The following C8orf89 variants were observed in gnomAD, a reference collection of about 807,000 sequenced individuals.
C8orf89 encodes the protein putative uncharacterized protein C8orf89.
In C8orf89, 14 loss-of-function variants were observed where a neutral mutation model predicts 15.8. The ratio of observed to expected loss-of-function variants is 0.89; its 90% CI spans 0.59 to 1.39. The LOEUF (loss-of-function observed/expected upper bound fraction) is 1.39, where lower values mean the gene tolerates loss of function less well. C8orf89 is among the 40% of genes most tolerant of loss of function. The pLI, the probability that C8orf89 is intolerant of heterozygous loss-of-function variation, is 0.00. For synonymous variants in C8orf89, 55 were observed against 62.2 expected (o/e 0.88, Z 0.54); for missense variants, 181 against 184.5 (o/e 0.98, Z 0.11).
intron 3 of C8orf89, among the ~76,000 whole-genome samples, chr8:73,249,001 T>C (rs1178797165): frequency 6.6e-6 from 1 of 151,666 alleles, no homozygotes; most frequent in Non-Finnish European, 1.5e-5. Flanking sequence ...GTGAGTGTCT[T>C]GTGCTGGTTT....
chr8:73,260,476 G>A (rs1040110890), upstream of C8orf89, among the ~76,000 whole-genome samples: 22 of 152,172 alleles, frequency 1.4e-4, no homozygotes, highest in African/African-American at 4.8e-4. Flanking sequence ...CATGGCACAT[G>A]TATACATATG....
intron 2 of C8orf89, among the ~76,000 whole-genome samples, chr8:73,252,099 A>G (rs907024118): frequency 1.3e-5 from 2 of 152,170 alleles, no homozygotes; most frequent in Non-Finnish European, 2.9e-5. Context: ...GCCTTATTTT[A>G]TTCTAACCTT....
the C8orf89 span, among the ~76,000 whole-genome samples, chr8:73,284,039 T>C: frequency 6.8e-6 from 1 of 147,748 alleles, no homozygotes; most frequent in Admixed American, 6.8e-5. Flanking sequence ...CGAAACTCTG[T>C]CTTAAAAAAA....
chr8:73,283,892 A>G, the C8orf89 span, among the ~76,000 whole-genome samples: 39 of 151,922 alleles, frequency 2.6e-4, no homozygotes, highest in Admixed American at 2.0e-4. Flanking sequence ...ATACAAAAAA[A>G]ATTACTCGAG....
intron 3 of C8orf89, among the ~76,000 whole-genome samples, chr8:73,248,669 T>C (rs1203128669): frequency 6.6e-6 from 1 of 152,210 alleles, no homozygotes; most frequent in South Asian, 2.1e-4. Context: ...CCTGGTTAGC[T>C]GTATTCCTAG....
chr8:73,279,065 CT>C, the C8orf89 span, among the ~76,000 whole-genome samples: 2 of 152,048 alleles, frequency 1.3e-5, no homozygotes, highest in Non-Finnish European at 2.9e-5. Flanking sequence ...TGGTCTTGTT[CT>C]TGTCTTATGG....
chr8:73,243,870 A>AT (rs2130243661), intron 3 of C8orf89, among the ~76,000 whole-genome samples: 1 of 152,254 alleles, frequency 6.6e-6, no homozygotes, highest in Non-Finnish European at 1.5e-5. Context: ...CTCAAAAAAT[A>AT]TTTATCTAAA....
chr8:73,247,277 CT>C (rs1254993289), intron 3 of C8orf89, among the ~76,000 whole-genome samples: 1 of 148,212 alleles, frequency 6.7e-6, no homozygotes, highest in Non-Finnish European at 1.5e-5. Context: ...ATGATCTGTT[CT>C]TTTTTATGGC....
At chr8:73,241,673 TATA>T in intron 3 of C8orf89, 68 bp from the exon 4 acceptor site, 1 of 1,220,140 alleles carries the variant, frequency 8.2e-7, no homozygotes, top group South Asian at 1.9e-5. Context: ...TTCTATTAAA[TATA>T]ATGTGACTGA....
chr8:73,282,017 T>C, the C8orf89 span, among the ~76,000 whole-genome samples: 4 of 152,250 alleles, frequency 2.6e-5, no homozygotes, highest in African/African-American at 9.6e-5. Flanking sequence ...TACCTTGAAA[T>C]TGTTATGTGA....
At chr8:73,260,974 T>G (rs1813515273), upstream of C8orf89, among the ~76,000 whole-genome samples, 1 of 152,138 alleles carries the variant, frequency 6.6e-6, no homozygotes, top group African/African-American at 2.4e-5. Context: ...GCCTTCATCT[T>G]TCTCCCATGC....
At chr8:73,257,977 G>T (rs934011516) in intron 1 of C8orf89, among the ~76,000 whole-genome samples, 1 of 152,058 alleles carries the variant, frequency 6.6e-6, no homozygotes, top group Non-Finnish European at 1.5e-5. Context: ...TCATCAATTA[G>T]ATTTGGGGGG....
At chr8:73,273,723 T>G in the C8orf89 span, among the ~76,000 whole-genome samples, 2 of 149,778 alleles carry the variant, frequency 1.3e-5, no homozygotes, top group African/African-American at 2.4e-5. Context: ...TGAGAACTTG[T>G]GGTGCTTTTT....
rs893572563 is a variant in C8orf89, at chr8:73,250,252, G to C, written c.337+16C>G. On this transcript the variant is annotated intron_variant, in intron 3 of 3. Coordinates refer to ENST00000624510, the MANE Select transcript of C8orf89 (RefSeq NM_001243237.3). ...CACCCAAGAGAGGTAGTAGAAAAAA[G>C]GACGAGTCAGCTTACCTTTTGATTT... is the stretch of plus-strand genomic sequence containing the variant. 3.3e-6 allele frequency: 5 copies of C among 1,523,946 alleles called. No individual in the cohort carries two copies. Among genetic ancestry groups the C allele is most frequent in the Non-Finnish European group, 4.4e-6 (5 of 1,137,368 alleles). The allele number at this position is 1,523,946 out of a possible 1,614,324, so 94.4% of individuals were successfully genotyped here. A position where few individuals can be genotyped will look rare whatever the true frequency, so the allele number is the denominator to read the frequency against.
At chr8:73,259,632 G>T, upstream of C8orf89, 1 of 397,666 alleles carries the variant, frequency 2.5e-6, no homozygotes, top group Non-Finnish European at 4.3e-6. Flanking sequence ...TACAGATATT[G>T]GGTAATATTT....
At chr8:73,253,483 G>A (rs575460260) in intron 2 of C8orf89, among the ~76,000 whole-genome samples, 283 of 151,784 alleles carry the variant, frequency 1.9e-3, no homozygotes, top group African/African-American at 6.6e-3. Flanking sequence ...AAAGTCATTG[G>A]TAGCTTGATG....
At chr8:73,275,839 T>A in the C8orf89 span, among the ~76,000 whole-genome samples, 1 of 152,182 alleles carries the variant, frequency 6.6e-6, no homozygotes, top group African/African-American at 2.4e-5. Context: ...ATAGTCAAAT[T>A]TGTCTATTTT....
chr8:73,265,233 G>T, the C8orf89 span, among the ~76,000 whole-genome samples: 1 of 152,152 alleles, frequency 6.6e-6, no homozygotes, highest in African/African-American at 2.4e-5. Flanking sequence ...GTGGCTTTCA[G>T]AAATTTTTAA....
chr8:73,241,982 T>TA (rs371961219), intron 3 of C8orf89, among the ~76,000 whole-genome samples: 12 of 151,142 alleles, frequency 7.9e-5, no homozygotes, highest in South Asian at 2.1e-4. Flanking sequence ...TCTCGACATA[T>TA]AAAAAAAAAT....
Sources: allele counts gnomAD v4.1 joint callset (sites outside exome capture counted in the v4.1 genomes callset), GRCh38; gene constraint gnomAD v4.1.1; transcripts MANE v1.5; gene names NCBI Gene and HGNC (gene_info 2026-07-23, HGNC 2026-07-21).